REDIC1: variants seen among roughly 807,000 people sequenced by gnomAD.
REDIC1 encodes HEI10 Interacting Protein 1.
At chr12:39,807,153 C>T in the REDIC1 span, among the ~76,000 whole-genome samples, 1 of 152,140 alleles carries the variant, frequency 6.6e-6, no homozygotes, top group South Asian at 2.1e-4. Context: ...GCAAAAACCT[C>T]GATAACTTTT....
the REDIC1 span, among the ~76,000 whole-genome samples, chr12:39,906,667 G>A: frequency 1.3e-5 from 2 of 152,056 alleles, no homozygotes; most frequent in African/African-American, 4.8e-5. Flanking sequence ...ATGGGGTGGA[G>A]GCAGAAAATC....
chr12:39,662,854 G>C, the REDIC1 span, among the ~76,000 whole-genome samples: 1 of 151,904 alleles, frequency 6.6e-6, no homozygotes, highest in Non-Finnish European at 1.5e-5. Context: ...GAATTTTATT[G>C]CATGCTTTTC....
At chr12:39,857,384 A>G in the REDIC1 span, among the ~76,000 whole-genome samples, 1 of 152,192 alleles carries the variant, frequency 6.6e-6, no homozygotes, top group Non-Finnish European at 1.5e-5. Context: ...CGGATCCTAT[A>G]TTCCTCTTGC....
the REDIC1 span, among the ~76,000 whole-genome samples, chr12:39,810,591 T>G: frequency 1.3e-5 from 2 of 152,170 alleles, no homozygotes; most frequent in Admixed American, 1.3e-4. Context: ...TGCTATTAAG[T>G]ATAATGTAAG....
chr12:39,630,736 A>T, the REDIC1 span, among the ~76,000 whole-genome samples: 1 of 152,246 alleles, frequency 6.6e-6, no homozygotes, highest in Admixed American at 6.5e-5. Context: ...GGAGAAAAAC[A>T]AAACAGAAAA....
chr12:39,896,559 T>C, the REDIC1 span, among the ~76,000 whole-genome samples: 4,004 of 124,432 alleles, frequency 0.032, 252 homozygotes, highest in African/African-American at 0.11. Context: ...TATACATGTA[T>C]ACATATATGT....
At chr12:39,711,831 A>ATG in the REDIC1 span, among the ~76,000 whole-genome samples, 1 of 8,334 alleles carries the variant, frequency 1.2e-4, no homozygotes, top group African/African-American at 2.3e-4. Flanking sequence ...ATGCATGTGT[A>ATG]TATGTGTGTA....
the REDIC1 span, among the ~76,000 whole-genome samples, chr12:39,658,490 T>G: frequency 7.5e-4 from 114 of 152,222 alleles, no homozygotes; most frequent in Non-Finnish European, 1.4e-3. Flanking sequence ...CCCATTATCT[T>G]TATGAATTAA....
At chr12:39,832,303 A>G in the REDIC1 span, among the ~76,000 whole-genome samples, 1 of 152,154 alleles carries the variant, frequency 6.6e-6, no homozygotes, top group Non-Finnish European at 1.5e-5. Context: ...GTTAAATTTA[A>G]CAATACTAAT....
At chr12:39,635,132 G>A in the REDIC1 span, among the ~76,000 whole-genome samples, 2 of 152,168 alleles carry the variant, frequency 1.3e-5, no homozygotes, top group Non-Finnish European at 2.9e-5. Context: ...TCATTAAAAA[G>A]TCAGGAGACA....
chr12:39,706,430 T>C, the REDIC1 span, among the ~76,000 whole-genome samples: 26 of 152,052 alleles, frequency 1.7e-4, no homozygotes, highest in African/African-American at 5.8e-4. Context: ...ACCAATGACA[T>C]TATTAACAGA....
At chr12:39,840,688 C>G in the REDIC1 span, among the ~76,000 whole-genome samples, 1 of 152,188 alleles carries the variant, frequency 6.6e-6, no homozygotes, top group South Asian at 2.1e-4. Flanking sequence ...AGAGGCATCA[C>G]TATACTGTCA....
chr12:39,657,074 C>A, the REDIC1 span, among the ~76,000 whole-genome samples: 1 of 152,058 alleles, frequency 6.6e-6, no homozygotes, highest in South Asian at 2.1e-4. Context: ...ATGTTCTAGG[C>A]CTTCACATTC....
At chr12:39,711,574 C>CACATGCATGTGTATATGTGT in the REDIC1 span, among the ~76,000 whole-genome samples, 8 of 56,518 alleles carry the variant, frequency 1.4e-4, no homozygotes, top group East Asian at 1.7e-3. Context: ...TGTATATGTG[C>CACATGCATGTGTATATGTGT]ATACACATGC....
the REDIC1 span, among the ~76,000 whole-genome samples, chr12:39,754,783 C>T: frequency 3.9e-5 from 6 of 152,030 alleles, no homozygotes; most frequent in South Asian, 1.0e-3. Flanking sequence ...TCCTAAGCAC[C>T]ACATTTCACA....
chr12:39,683,137 A>G, the REDIC1 span: 1 of 1,593,922 alleles, frequency 6.3e-7, no homozygotes. Flanking sequence ...CTCTGAAAGA[A>G]AAGGTTGGTA....
At chr12:39,634,071 G>A in the REDIC1 span, among the ~76,000 whole-genome samples, 73 of 152,192 alleles carry the variant, frequency 4.8e-4, no homozygotes, top group South Asian at 5.0e-3. Context: ...GAGCTTGGAA[G>A]GTTCTTCCAT....
At chr12:39,778,632 A>T in the REDIC1 span, among the ~76,000 whole-genome samples, 12 of 152,226 alleles carry the variant, frequency 7.9e-5, no homozygotes, top group Non-Finnish European at 1.2e-4. Flanking sequence ...ACATTAAATT[A>T]TTAAATCAGT....
At chr12:39,700,581 A>AT in the REDIC1 span, among the ~76,000 whole-genome samples, 2 of 152,126 alleles carry the variant, frequency 1.3e-5, no homozygotes, top group Non-Finnish European at 2.9e-5. Flanking sequence ...GGAAACAGAG[A>AT]TAATGCCACA....
Sources: gnomAD v4.1 joint callset for allele counts (sites outside exome capture counted in the v4.1 genomes callset) on GRCh38, gnomAD v4.1.1 for gene constraint, MANE v1.5 for transcripts, NCBI Gene and HGNC (gene_info 2026-07-23, HGNC 2026-07-21) for gene names.